TRRAP: variants seen among roughly 807,000 people sequenced by gnomAD.
The protein encoded by TRRAP is transformation/transcription domain-associated protein.
In TRRAP, 41 loss-of-function variants were observed where a neutral mutation model predicts 438.8. The observed-to-expected ratio is 0.09, with a 90% CI of 0.07 to 0.12. The LOEUF (loss-of-function observed/expected upper bound fraction) is 0.12. Among genes scored for constraint, TRRAP ranks in the 10% least tolerant of loss-of-function variants. TRRAP has a pLI of 1.00. For missense variants in TRRAP, 3,122 were observed against 5,055.1 expected (o/e 0.62, Z 11.60); for synonymous variants, 1,994 against 1,962.9 (o/e 1.02, Z -0.42).
Position 98,956,063 on chromosome 7 carries a change from G to A in TRRAP, c.5938-83G>A, listed in dbSNP as rs1554419631. Reference sequence around the variant, plus strand: ...TGGGGCTGAGAGGCATGTCGGGGGTGTGTGTGTGCACGTGCGCACACGTGC... The same window carrying A: ...TGGGGCTGAGAGGCATGTCGGGGGTATGTGTGTGCACGTGCGCACACGTGC... On this transcript the variant is annotated intron_variant, in intron 41 of 72. Coordinates refer to ENST00000456197, the MANE Select transcript of TRRAP (RefSeq NM_001375524.1). The surrounding 1 kb of genome is among the most constrained non-coding windows in gnomAD (Gnocchi z 4.5). The A allele has an allele frequency of 1.1e-5, 16 of 1,487,040 alleles. No homozygotes were observed. The highest frequency in any genetic ancestry group is 1.4e-5 in the Non-Finnish European group (16 of 1,109,402). The allele number at this position is 1,487,040 out of a possible 1,614,324, so 92.1% of individuals were successfully genotyped here.
chr7:98,949,882 G>A, intron 37 of TRRAP, 41 bp downstream of exon 37: 1 of 1,592,966 alleles, frequency 6.3e-7, no homozygotes, highest in East Asian at 2.2e-5. Flanking sequence ...GACTGGCTCT[G>A]TCCCAAAAGC....
chr7:98,998,754 T>TAG (rs1370300884), intron 67 of TRRAP: 3 of 217,210 alleles, frequency 1.4e-5, no homozygotes, highest in African/African-American at 7.1e-5. Context: ...AGTTCTCTTC[T>TAG]AGCCACTCCT....
At chr7:98,903,637 C>A in intron 12 of TRRAP, 120 bp downstream of exon 12, 1 of 1,405,238 alleles carries the variant, frequency 7.1e-7, no homozygotes, top group Non-Finnish European at 9.7e-7. Context: ...TCCTTCATTG[C>A]TGTCTTGGGT....
chr7:98,972,852 T>C (rs1004559286), intron 53 of TRRAP, among the ~76,000 whole-genome samples: 2 of 152,238 alleles, frequency 1.3e-5, no homozygotes, highest in Non-Finnish European at 2.9e-5. Flanking sequence ...TTTGAACTTA[T>C]ACCCAAGTGA....
chr7:99,010,413 T>C (rs1794377977), intron 70 of TRRAP, among the ~76,000 whole-genome samples: 1 of 152,186 alleles, frequency 6.6e-6, no homozygotes, highest in Non-Finnish European at 1.5e-5. Flanking sequence ...TGGCCTCCCT[T>C]GTTCTTGCCG....
At chr7:98,911,422 C>A in intron 17 of TRRAP, 151 bp downstream of exon 17, 1 of 781,028 alleles carries the variant, frequency 1.3e-6, no homozygotes, top group Non-Finnish European at 1.9e-6. Context: ...GCCATAATGT[C>A]TTGAAACAAT....
At chr7:98,991,207 A>G (rs905365729) in intron 64 of TRRAP, among the ~76,000 whole-genome samples, 6 of 152,216 alleles carry the variant, frequency 3.9e-5, no homozygotes, top group African/African-American at 1.2e-4. Flanking sequence ...AGACCCAGGC[A>G]TAGAGGAAGG....
At position 98,956,521 on chromosome 7, in the gene TRRAP, A is replaced by G; in HGVS notation, c.6219A>G (p.Gly2073=). The G allele has an allele frequency of 6.2e-7, 1 of 1,614,056 alleles. No individual in the cohort carries two copies. The highest frequency in any genetic ancestry group is 8.5e-7 in the Non-Finnish European group (1 of 1,179,990). ...TGAAACGCTTTAGGACGGCCACCGG[A>G]GCCATCAGTGCAGTAAGATCATGTG... The part of the protein sequence containing the change: ...QEVKRFRTAT[G]AISAVFGRSQ... Residue 2073 remains glycine (G), a synonymous_variant, in exon 43 of 73, where the codon GGA becomes GGG. Transcript: ENST00000456197. The surrounding 1 kb of genome is among the most constrained non-coding windows in gnomAD (Gnocchi z 4.5).
chr7:98,904,325 T>C (rs1293018744), intron 12 of TRRAP, among the ~76,000 whole-genome samples: 1 of 151,388 alleles, frequency 6.6e-6, no homozygotes, highest in Non-Finnish European at 1.5e-5. Flanking sequence ...CTACTAAAAA[T>C]ACAAAAAATT....
chr7:98,950,285 A>AG, intron 38 of TRRAP, 23 bp downstream of exon 38: 1 of 1,613,742 alleles, frequency 6.2e-7, no homozygotes, highest in Non-Finnish European at 8.5e-7. Context: ...CTTATGCTGT[A>AG]GAAGGGTATG....
At chr7:98,940,108 TC>T (rs1356873373) in intron 30 of TRRAP, among the ~76,000 whole-genome samples, 1 of 152,104 alleles carries the variant, frequency 6.6e-6, no homozygotes, top group African/African-American at 2.4e-5. Flanking sequence ...GGTGTTGAAC[TC>T]CTGACCTCAA....
At position 98,935,693 on chromosome 7, in the gene TRRAP, T is replaced by TACGGGGTATA; in HGVS notation, c.4111+20_4111+29dup. ...GGCATTAAGTAAGTTAATGAAAATC[T>TACGGGGTATA]ACGGGGTATAAAAGTGAAAGGAGAC... On this transcript the variant is annotated intron_variant, in intron 28 of 72. Coordinates refer to ENST00000456197, the MANE Select transcript of TRRAP (RefSeq NM_001375524.1). 1.3e-6 allele frequency: 2 copies of TACGGGGTATA among 1,574,470 alleles called. No homozygotes were observed. The highest frequency in any genetic ancestry group is 2.3e-5 in the South Asian group (2 of 87,328).
intron 28 of TRRAP, among the ~76,000 whole-genome samples, chr7:98,936,213 C>T (rs1790548499): frequency 6.6e-6 from 1 of 152,202 alleles, no homozygotes; most frequent in African/African-American, 2.4e-5. Context: ...TTTTGGTTGA[C>T]TCTCTCCTGC....
intron 8 of TRRAP, among the ~76,000 whole-genome samples, chr7:98,898,928 C>T (rs1796347858): frequency 6.6e-6 from 1 of 152,212 alleles, no homozygotes; most frequent in Admixed American, 6.5e-5. Flanking sequence ...TAGCACACAC[C>T]TGTAATCCCA....
intron 44 of TRRAP, among the ~76,000 whole-genome samples, chr7:98,958,581 T>G (rs1467731567): frequency 1.3e-5 from 2 of 152,230 alleles, no homozygotes; most frequent in Admixed American, 1.3e-4. Flanking sequence ...ATTGCAGGCA[T>G]GAGCCACCGT....
At position 99,005,430 on chromosome 7, in the gene TRRAP, G is replaced by A. The variant is rs1369490223; in HGVS notation, c.10753+82G>A. 2.2e-6 allele frequency: 3 copies of A among 1,351,314 alleles called. No individual in the cohort carries two copies. The African/African-American group carries it at 4.3e-5, about 19-fold the overall frequency. 83.7% of individuals were successfully genotyped at this position (1,351,314 alleles called of 1,614,324 possible). A position where few individuals can be genotyped will look rare whatever the true frequency, so the allele number is the denominator to read the frequency against. The stretch of plus-strand genomic sequence containing the variant: ...AGAGCCACACCTCGTGGGGTGCACA[G>A]GCAGCTCACGTTAGCCTTTGAGGGT... On this transcript the variant is annotated intron_variant, in intron 69 of 72. Transcript: ENST00000456197. The surrounding 1 kb of genome is among the most constrained non-coding windows in gnomAD (Gnocchi z 5.1).
chr7:98,942,698 C>T (rs1446099323), intron 30 of TRRAP, among the ~76,000 whole-genome samples: 1 of 152,214 alleles, frequency 6.6e-6, no homozygotes, highest in East Asian at 1.9e-4. Context: ...AGTAAAATGG[C>T]AGGGCATGGT....
chr7:98,903,569 T>G (rs1554407066), intron 12 of TRRAP, 52 bp downstream of exon 12: 1 of 1,606,168 alleles, frequency 6.2e-7, no homozygotes, highest in South Asian at 1.1e-5. Flanking sequence ...TGTGGCCATC[T>G]TTGGGGACTC....
Position 98,918,710 on chromosome 7 carries a change from A to G in TRRAP, c.2622+1031A>G, listed in dbSNP as rs186480742. 5.4e-3 allele frequency among the ~76,000 whole-genome samples: 826 copies of G among 152,270 alleles called. 3 individuals carry two copies. The highest frequency in any genetic ancestry group is 0.018 in the African/African-American group (731 of 41,550). On this transcript the variant is annotated intron_variant, in intron 20 of 72. Transcript: ENST00000456197. The stretch of plus-strand genomic sequence containing the variant: ...TCCACCCTACCCAAAGGGAAAAAGA[A>G]GCAGATAATAAAGGAGGTTGTTTTG...
Sources: allele counts gnomAD v4.1 joint callset (sites outside exome capture counted in the v4.1 genomes callset), GRCh38; gene constraint gnomAD v4.1.1; non-coding constraint Gnocchi (gnomAD v3.1); transcripts MANE v1.5; gene names NCBI Gene and HGNC (gene_info 2026-07-23, HGNC 2026-07-21).